Variants in CELF2 observed in about 807,000 individuals in gnomAD.
CELF2 encodes the protein CUGBP Elav-like family member 2.
Under a neutral mutation model 62.6 loss-of-function variants are expected in CELF2, and 8 were observed. The ratio of observed to expected loss-of-function variants is 0.13; its 90% CI spans 0.07 to 0.23. The LOEUF (loss-of-function observed/expected upper bound fraction) is 0.23. Ranked by LOEUF, CELF2 falls within the 10% of genes least tolerant of loss-of-function variation. The probability of loss-of-function intolerance (pLI) is 1.00; values close to 1 mark genes in which losing one functional copy is unlikely to be tolerated. For missense variants in CELF2, 333 were observed against 671.0 expected (o/e 0.50, Z 5.56); for synonymous variants, 258 against 250.0 (o/e 1.03, Z -0.30).
chr10:11,049,490 C>T (rs1415076329), intron 1 of CELF2, among the ~76,000 whole-genome samples: 1 of 143,148 alleles, frequency 7.0e-6, no homozygotes, highest in Non-Finnish European at 1.5e-5. Context: ...CAATGTGAAC[C>T]GGGACCTCTG....
chr10:11,254,316 T>C (rs551073387), intron 4 of CELF2, among the ~76,000 whole-genome samples: 9 of 152,366 alleles, frequency 5.9e-5, no homozygotes, highest in Non-Finnish European at 1.2e-4. Flanking sequence ...TAGTAAGAGA[T>C]TCCCAAAGCC....
At chr10:10,810,298 T>G (rs1186782114) in intron 1 of CELF2, among the ~76,000 whole-genome samples, 1 of 152,196 alleles carries the variant, frequency 6.6e-6, no homozygotes, top group African/African-American at 2.4e-5. Context: ...TTCTGGCAAA[T>G]GGAGTAGCCA....
chr10:10,535,589 G>A, the CELF2 span, among the ~76,000 whole-genome samples: 25 of 152,150 alleles, frequency 1.6e-4, no homozygotes, highest in Middle Eastern at 3.4e-3. Flanking sequence ...GCATGGTGGC[G>A]GGCGCCTGTA....
chr10:10,970,792 A>G (rs1413677908), intron 2 of CELF2: 1 of 152,190 alleles, frequency 6.6e-6, no homozygotes, highest in East Asian at 1.9e-4. Flanking sequence ...TGACTTGTCT[A>G]ATTACACTCT....
the CELF2 span, among the ~76,000 whole-genome samples, chr10:10,564,346 G>C: frequency 1.8e-3 from 279 of 152,204 alleles, no homozygotes; most frequent in Non-Finnish European, 3.2e-3. Context: ...GGAAGAGCTG[G>C]GTGGAGTCCT....
At chr10:11,006,072 C>A (rs189124641) in intron 1 of CELF2, among the ~76,000 whole-genome samples, 3 of 152,144 alleles carry the variant, frequency 2.0e-5, no homozygotes, top group Non-Finnish European at 4.4e-5. Flanking sequence ...GCACCACTGA[C>A]CTTTTGGGAA....
chr10:10,478,669 T>G, the CELF2 span, among the ~76,000 whole-genome samples: 5 of 152,182 alleles, frequency 3.3e-5, no homozygotes, highest in African/African-American at 1.2e-4. Context: ...TAAATCAGAA[T>G]GACAGATGAA....
intron 2 of CELF2, among the ~76,000 whole-genome samples, chr10:11,166,407 A>T (rs1394533814): frequency 6.6e-6 from 1 of 152,154 alleles, no homozygotes; most frequent in South Asian, 2.1e-4. Context: ...GCCATTAATG[A>T]GATAGAGACC....
At chr10:10,560,005 G>A in the CELF2 span, among the ~76,000 whole-genome samples, 1 of 152,160 alleles carries the variant, frequency 6.6e-6, no homozygotes, top group East Asian at 1.9e-4. Context: ...AGGGCTTGAG[G>A]CTGGCTTACC....
At chr10:10,737,390 ATC>A in the CELF2 span, among the ~76,000 whole-genome samples, 23 of 152,240 alleles carry the variant, frequency 1.5e-4, no homozygotes, top group Non-Finnish European at 3.1e-4. Flanking sequence ...ACAGAGAATT[ATC>A]TCTAAACAGC....
intron 1 of CELF2, among the ~76,000 whole-genome samples, chr10:10,856,467 A>G (rs2059714954): frequency 6.6e-6 from 1 of 152,206 alleles, no homozygotes; most frequent in Non-Finnish European, 1.5e-5. Flanking sequence ...GGGGGAAAAA[A>G]TGACTGCATT....
chr10:11,145,525 GA>G lies in CELF2; in HGVS notation c.75-19960del, dbSNP rs1301741768. 6.6e-6 allele frequency among the ~76,000 whole-genome samples: 1 copy of G among 152,218 alleles called. No individual in the cohort carries two copies. Among genetic ancestry groups the G allele is most frequent in the African/African-American group, 2.4e-5 (1 of 41,448 alleles). ...AGTTGGTGGGGTGGAGATATTAAAG[GA>G]TAGAATTTTTCTGGGAAATCTATAT... On this transcript the variant is annotated intron_variant, in intron 1 of 12. Transcript: ENST00000633077. This position sits in a 1 kb window ranked among gnomAD's most constrained non-coding sequence, Gnocchi z 4.3.
chr10:11,319,898 G>A lies in CELF2; in HGVS notation c.1097-1291G>A, dbSNP rs546003907. ...TGTTAGGGCAGTAGCGTTGCTGGGC[G>A]TGTGGAGGTCACTCTGCTGCCGGAT... On this transcript the variant is annotated intron_variant, in intron 10 of 12. Transcript: ENST00000633077. The surrounding 1 kb of genome is among the most constrained non-coding windows in gnomAD (Gnocchi z 4.4). The A allele has an allele frequency of 6.4e-6, 3 of 470,742 alleles. No individual in the cohort carries two copies. Among genetic ancestry groups the A allele is most frequent in the South Asian group, 1.5e-5 (1 of 64,556 alleles). The allele number at this position is 470,742 out of a possible 1,614,324, so 29.2% of individuals were successfully genotyped here.
chr10:11,035,989 T>C (rs941322299), intron 1 of CELF2, among the ~76,000 whole-genome samples: 1 of 152,220 alleles, frequency 6.6e-6, no homozygotes, highest in African/African-American at 2.4e-5. Flanking sequence ...GGTAGTAATG[T>C]TGACACTGTA....
intron 3 of CELF2, among the ~76,000 whole-genome samples, chr10:11,240,702 T>C (rs78273920): frequency 1.1e-3 from 168 of 152,352 alleles, no homozygotes; most frequent in African/African-American, 3.9e-3. Flanking sequence ...TGTTAAAACA[T>C]TGTATGTGTA....
In CELF2 at chr10:10,934,398, A is replaced by G. The variant is rs555915714; in HGVS notation, c.89+14399A>G. ...GCACACAACAGATGCTCAAATATGC[A>G]TCAAATGAACTCATGAGTAAATGGG... On this transcript the variant is annotated intron_variant, in intron 2 of 13. Transcript: ENST00000636488. The surrounding 1 kb of genome is among the most constrained non-coding windows in gnomAD (Gnocchi z 4.4). The G allele has an allele frequency of 6.6e-6, 1 of 152,364 alleles. No individual in the cohort carries two copies. Among genetic ancestry groups the G allele is most frequent in the African/African-American group, 2.4e-5 (1 of 41,592 alleles). 9.4% of individuals were successfully genotyped at this position (152,364 alleles called of 1,614,324 possible).
chr10:10,860,120 G>C (rs1373083240), intron 1 of CELF2, among the ~76,000 whole-genome samples: 1 of 152,098 alleles, frequency 6.6e-6, no homozygotes, highest in African/African-American at 2.4e-5. Flanking sequence ...AAATAGAGAA[G>C]TGTGATTAGT....
At chr10:11,059,502 G>A (rs1243513042) in intron 1 of CELF2, among the ~76,000 whole-genome samples, 1 of 152,188 alleles carries the variant, frequency 6.6e-6, no homozygotes, top group Non-Finnish European at 1.5e-5. Flanking sequence ...GTCTTTTTAA[G>A]GCTAAGGCTG....
chr10:10,480,111 T>A, the CELF2 span, among the ~76,000 whole-genome samples: 1 of 152,170 alleles, frequency 6.6e-6, no homozygotes, highest in Non-Finnish European at 1.5e-5. Flanking sequence ...GGTTCTTTCT[T>A]CACCACATAG....
Sources: gnomAD v4.1 joint callset for allele counts (sites outside exome capture counted in the v4.1 genomes callset) on GRCh38, gnomAD v4.1.1 for gene constraint, Gnocchi (gnomAD v3.1) non-coding constraint, MANE v1.5 for transcripts, NCBI Gene and HGNC (gene_info 2026-07-23, HGNC 2026-07-21) for gene names.